The following LIN52 variants were observed in gnomAD, a reference collection of about 807,000 sequenced individuals.
The protein encoded by LIN52 is protein lin-52 homolog.
Under a neutral mutation model 18.5 loss-of-function variants are expected in LIN52, and 4 were observed. That is an observed-to-expected ratio of 0.22 (90% confidence interval 0.11 to 0.49). LIN52 has a LOEUF of 0.49. Ranked by LOEUF, LIN52 falls within the 20% of genes least tolerant of loss-of-function variation. The pLI is 0.97. For missense variants in LIN52, 102 were observed against 139.5 expected, an observed-to-expected ratio of 0.73 and a Z score of 1.35; for synonymous variants, 34 against 45.5, an observed-to-expected ratio of 0.75 and a Z score of 1.02.
intron 5 of LIN52, among the ~76,000 whole-genome samples, chr14:74,130,588 A>ATTTTTTT (rs34746271): frequency 9.6e-5 from 7 of 72,960 alleles, no homozygotes; most frequent in African/African-American, 1.8e-4. Flanking sequence ...TAAATTGGCC[A>ATTTTTTT]TTTTTTTTTT....
intron 5 of LIN52, among the ~76,000 whole-genome samples, chr14:74,178,460 A>G (rs557174470): frequency 7.1e-6 from 1 of 141,450 alleles, no homozygotes; most frequent in Admixed American, 7.1e-5. Context: ...TATTAAAATA[A>G]TTTTTTTTTT....
At chr14:74,132,573 A>G (rs1156818049) in intron 5 of LIN52, among the ~76,000 whole-genome samples, 1 of 152,142 alleles carries the variant, frequency 6.6e-6, no homozygotes, top group Non-Finnish European at 1.5e-5. Context: ...TAGTGGCACA[A>G]TCTCAGCTCA....
intron 5 of LIN52, among the ~76,000 whole-genome samples, chr14:74,181,504 C>T (rs1408888358): frequency 2.6e-5 from 4 of 151,704 alleles, no homozygotes; most frequent in East Asian, 1.9e-4. Context: ...GATTTTCCCC[C>T]GTCTATTGTG....
chr14:74,151,807 C>G (rs927138583), intron 5 of LIN52, among the ~76,000 whole-genome samples: 2 of 152,146 alleles, frequency 1.3e-5, no homozygotes, highest in Non-Finnish European at 2.9e-5. Flanking sequence ...CATGCAAGTC[C>G]TGACTTTGCT....
chr14:74,116,162 GTGTGGTGGCACATGCC>G (rs1376044150), intron 5 of LIN52, among the ~76,000 whole-genome samples: 1 of 151,782 alleles, frequency 6.6e-6, no homozygotes, highest in East Asian at 1.9e-4. Flanking sequence ...AATTAACCGG[GTGTGGTGGCACATGCC>G]TGTGGTCTCA....
intron 5 of LIN52, among the ~76,000 whole-genome samples, chr14:74,164,527 C>T (rs566836078): frequency 6.6e-6 from 1 of 152,182 alleles, no homozygotes; most frequent in East Asian, 1.9e-4. Context: ...TTCAAGTGAT[C>T]CGCCTGCTTC....
At chr14:74,108,054 GTTAC>G (rs775846679) in intron 5 of LIN52, among the ~76,000 whole-genome samples, 3 of 152,118 alleles carry the variant, frequency 2.0e-5, no homozygotes, top group Admixed American at 6.5e-5. Context: ...GACCTAGGCT[GTTAC>G]TTACTGGCTT....
intron 5 of LIN52, among the ~76,000 whole-genome samples, chr14:74,190,682 A>G (rs1281176645): frequency 6.6e-6 from 1 of 152,134 alleles, no homozygotes; most frequent in Admixed American, 6.5e-5. Flanking sequence ...CTGAGCCACC[A>G]TGCCTGGCCA....
At chr14:74,168,255 TTATAA>T (rs2061257621) in intron 5 of LIN52, among the ~76,000 whole-genome samples, 1 of 152,258 alleles carries the variant, frequency 6.6e-6, no homozygotes, top group African/African-American at 2.4e-5. Flanking sequence ...GCACCATTGT[TTATAA>T]TATTTCTGTT....
chr14:74,092,102 C>G (rs557007358), intron 2 of LIN52, among the ~76,000 whole-genome samples: 1 of 151,958 alleles, frequency 6.6e-6, no homozygotes, highest in African/African-American at 2.4e-5. Flanking sequence ...TCCCAAGTAG[C>G]TGGGACTACA....
intron 5 of LIN52, among the ~76,000 whole-genome samples, chr14:74,104,001 C>T (rs1318482200): frequency 2.6e-5 from 4 of 151,156 alleles, no homozygotes; most frequent in Non-Finnish European, 5.9e-5. Flanking sequence ...TGGGTTCAAG[C>T]GATTCTCCTG....
At chr14:74,087,627 T>C (rs1430175726) in intron 1 of LIN52, among the ~76,000 whole-genome samples, 1 of 152,152 alleles carries the variant, frequency 6.6e-6, no homozygotes, top group African/African-American at 2.4e-5. Context: ...TTCCAAAATA[T>C]TCCACGGCCT....
intron 1 of LIN52, among the ~76,000 whole-genome samples, chr14:74,090,481 G>T (rs1290726212): frequency 1.3e-5 from 2 of 150,164 alleles, no homozygotes; most frequent in African/African-American, 4.9e-5. Context: ...GATTACAGGC[G>T]CCTGCTACCA....
chr14:74,179,511 T>G (rs1343213084), intron 5 of LIN52, among the ~76,000 whole-genome samples: 1 of 151,878 alleles, frequency 6.6e-6, no homozygotes, highest in African/African-American at 2.4e-5. Context: ...AATACAAAAT[T>G]AGCTGTGCGT....
intron 5 of LIN52, among the ~76,000 whole-genome samples, chr14:74,194,113 C>T (rs139767036): frequency 2.9e-4 from 44 of 152,264 alleles, no homozygotes; most frequent in African/African-American, 9.6e-4. Context: ...TAATAAAACC[C>T]ATATGTCATT....
intron 5 of LIN52, among the ~76,000 whole-genome samples, chr14:74,142,839 A>G (rs1443854559): frequency 2.1e-5 from 3 of 144,884 alleles, no homozygotes; most frequent in African/African-American, 7.6e-5. Context: ...TCCCATTCAT[A>G]CTTATGTTAT....
At chr14:74,120,834 A>G (rs535025877) in intron 5 of LIN52, among the ~76,000 whole-genome samples, 1 of 151,960 alleles carries the variant, frequency 6.6e-6, no homozygotes, top group Non-Finnish European at 1.5e-5. Flanking sequence ...AGACAGGAGA[A>G]TCACTTGAAC....
chr14:74,159,895 A>G (rs903697068), intron 5 of LIN52, among the ~76,000 whole-genome samples: 3 of 152,164 alleles, frequency 2.0e-5, no homozygotes, highest in East Asian at 1.9e-4. Context: ...ATGAAGTGCT[A>G]TGACAAACCT....
chr14:74,200,902 G>A lies in LIN52; in HGVS notation c.*1925G>A, dbSNP rs2078945378. On this transcript the variant is annotated 3_prime_UTR_variant, in exon 6 of 6. Coordinates refer to ENST00000555028, the MANE Select transcript of LIN52 (RefSeq NM_001024674.3). ...TGTTTTTGAGAGTTGATGACATCAG[G>A]CACTTTTCAGTGTTTGGGGAAATTG... The A allele has an allele frequency of 6.6e-6, 1 of 152,180 alleles. No individual in the cohort carries two copies. Among genetic ancestry groups the A allele is most frequent in the Non-Finnish European group, 1.5e-5 (1 of 68,040 alleles). The allele number at this position is 152,180 out of a possible 1,614,324, so 9.4% of individuals were successfully genotyped here.
Sources: allele counts gnomAD v4.1 joint callset (sites outside exome capture counted in the v4.1 genomes callset), GRCh38; gene constraint gnomAD v4.1.1; transcripts MANE v1.5; gene names NCBI Gene and HGNC (gene_info 2026-07-23, HGNC 2026-07-21).